The following JAM3 variants were observed in gnomAD, a reference collection of about 807,000 sequenced individuals.
JAM3 encodes the protein junctional adhesion molecule 3.
In JAM3, 31 loss-of-function variants were observed where a neutral mutation model predicts 39.4. That is an observed-to-expected ratio of 0.79 (90% CI 0.59 to 1.06). JAM3 has a LOEUF of 1.06. JAM3 is among the 50% of genes least tolerant of loss of function. JAM3 has a pLI of 0.00. For synonymous variants in JAM3, 182 were observed against 148.7 expected, an observed-to-expected ratio of 1.22 and a Z score of -1.63; for missense variants, 455 against 391.4, an observed-to-expected ratio of 1.16 and a Z score of -1.37.
chr11:134,101,463 A>G (rs1000475976), intron 1 of JAM3, among the ~76,000 whole-genome samples: 7 of 152,306 alleles, frequency 4.6e-5, no homozygotes, highest in Middle Eastern at 3.4e-3. Flanking sequence ...ATCCTAGTGG[A>G]GAGAACACAG....
rs112383736 is a variant in JAM3, at chr11:134,129,140, G to C, written c.77-10711G>C. ...TCAAGTTCTTTTTTTTTTTTTTTTT[G>C]ACAGAGTCTCGCTCTGTTGCCCAGG... On this transcript the variant is annotated intron_variant, in intron 1 of 8. Transcript: ENST00000299106. Among the ~76,000 whole-genome samples, 535 of 96,074 alleles carry C rather than the reference G, an allele frequency of 5.6e-3. 3 individuals are homozygous for C. The highest frequency in any genetic ancestry group is 0.021 in the African/African-American group (504 of 23,870). The allele number at this position is 96,074 out of a possible 152,430, so 63.0% of individuals were successfully genotyped here. A position where few individuals can be genotyped will look rare whatever the true frequency, so the allele number is the denominator to read the frequency against.
intron 1 of JAM3, among the ~76,000 whole-genome samples, chr11:134,088,956 CATTT>C (rs1247362645): frequency 2.6e-5 from 4 of 152,124 alleles, no homozygotes; most frequent in African/African-American, 9.7e-5. Flanking sequence ...CGTTGGGCAA[CATTT>C]ATTAAGGGCA....
chr11:134,144,657 T>G (rs986981742), intron 4 of JAM3, 135 bp from the exon 5 acceptor site: 11 of 888,550 alleles, frequency 1.2e-5, no homozygotes, highest in Non-Finnish European at 2.0e-5. Context: ...AGTCTGCAGT[T>G]GTGATCCTGG....
intron 1 of JAM3, among the ~76,000 whole-genome samples, chr11:134,080,369 T>A (rs534742253): frequency 6.6e-6 from 1 of 152,360 alleles, no homozygotes; most frequent in East Asian, 1.9e-4. Context: ...CAAAAAGTGC[T>A]TTTATGCATG....
chr11:134,106,324 T>C (rs1438192954), intron 1 of JAM3, among the ~76,000 whole-genome samples: 9 of 151,988 alleles, frequency 5.9e-5, no homozygotes, highest in East Asian at 3.9e-4. Flanking sequence ...ATCCCTTCCT[T>C]ACACCTTATA....
chr11:134,130,313 G>A (rs1942744662), intron 1 of JAM3, among the ~76,000 whole-genome samples: 1 of 150,254 alleles, frequency 6.7e-6, no homozygotes. Context: ...TTTCTCTCAT[G>A]CCATTTGCTA....
intron 1 of JAM3, among the ~76,000 whole-genome samples, chr11:134,124,495 T>C (rs1482532173): frequency 6.6e-6 from 1 of 152,214 alleles, no homozygotes; most frequent in Non-Finnish European, 1.5e-5. Flanking sequence ...GAAGCTTCTG[T>C]CTTCAAGATA....
At chr11:134,082,992 C>G (rs1941691344) in intron 1 of JAM3, among the ~76,000 whole-genome samples, 1 of 152,172 alleles carries the variant, frequency 6.6e-6, no homozygotes, top group Admixed American at 6.5e-5. Context: ...TGAAGCCTGA[C>G]TTTTCTATTT....
chr11:134,098,470 G>A (rs1258940678), intron 1 of JAM3, among the ~76,000 whole-genome samples: 2 of 152,168 alleles, frequency 1.3e-5, no homozygotes, highest in Non-Finnish European at 2.9e-5. Flanking sequence ...GTGAAGGACA[G>A]CAAGACTATT....
At chr11:134,130,802 T>C (rs1271245340) in intron 1 of JAM3, among the ~76,000 whole-genome samples, 1 of 152,230 alleles carries the variant, frequency 6.6e-6, no homozygotes, top group Non-Finnish European at 1.5e-5. Flanking sequence ...TTAATGTGTA[T>C]GTCTATTCCA....
chr11:134,084,158 T>C (rs992483720), intron 1 of JAM3, among the ~76,000 whole-genome samples: 14 of 152,236 alleles, frequency 9.2e-5, no homozygotes, highest in African/African-American at 3.1e-4. Flanking sequence ...TCTTTTGTTA[T>C]CATGGCCTGT....
At chr11:134,103,997 A>G (rs1371616964) in intron 1 of JAM3, among the ~76,000 whole-genome samples, 1 of 152,244 alleles carries the variant, frequency 6.6e-6, no homozygotes, top group Non-Finnish European at 1.5e-5. Flanking sequence ...TCAGCTCTGC[A>G]CCAAGCGGAC....
At chr11:134,119,254 A>G (rs1201347945) in intron 1 of JAM3, among the ~76,000 whole-genome samples, 7 of 152,130 alleles carry the variant, frequency 4.6e-5, no homozygotes, top group African/African-American at 1.7e-4. Context: ...GGGTTTGGAA[A>G]TGATAGAATC....
intron 1 of JAM3, among the ~76,000 whole-genome samples, chr11:134,105,869 A>T (rs1437726480): frequency 2.0e-5 from 3 of 152,248 alleles, no homozygotes; most frequent in Admixed American, 2.0e-4. Flanking sequence ...AAATGGAAGA[A>T]CATTCCATGC....
chr11:134,109,094 C>G (rs529177933), intron 1 of JAM3, among the ~76,000 whole-genome samples: 1 of 152,184 alleles, frequency 6.6e-6, no homozygotes, highest in East Asian at 1.9e-4. Context: ...GTAGCTGGGA[C>G]TACAGGCACG....
chr11:134,119,770 T>A (rs470631), intron 1 of JAM3, among the ~76,000 whole-genome samples: 55,527 of 135,524 alleles, frequency 0.41, 14,084 homozygotes, highest in African/African-American at 0.73. Context: ...AATCTCATCT[T>A]AAAAACCCTC....
At chr11:134,108,801 C>T (rs1324484713) in intron 1 of JAM3, among the ~76,000 whole-genome samples, 2 of 151,996 alleles carry the variant, frequency 1.3e-5, no homozygotes, top group African/African-American at 2.4e-5. Context: ...CAGACAACAG[C>T]AAAACAACAG....
intron 1 of JAM3, among the ~76,000 whole-genome samples, chr11:134,099,710 A>C (rs546975448): frequency 5.9e-5 from 9 of 152,246 alleles, no homozygotes; most frequent in East Asian, 3.9e-4. Context: ...GGTCTCAAGC[A>C]ATTCTTCTGC....
chr11:134,081,395 G>A (rs1369290411), intron 1 of JAM3, among the ~76,000 whole-genome samples: 2 of 152,204 alleles, frequency 1.3e-5, no homozygotes, highest in Non-Finnish European at 2.9e-5. Context: ...TGGTTTCATG[G>A]GCCGGGCCCA....
Sources: gnomAD v4.1 joint callset for allele counts (sites outside exome capture counted in the v4.1 genomes callset) on GRCh38, gnomAD v4.1.1 for gene constraint, MANE v1.5 for transcripts, NCBI Gene and HGNC (gene_info 2026-07-23, HGNC 2026-07-21) for gene names.